Variants in MIPEP observed in about 807,000 individuals in gnomAD.
MIPEP encodes mitochondrial intermediate peptidase.
Under a neutral mutation model 90.3 loss-of-function variants are expected in MIPEP, and 79 were observed. The observed-to-expected ratio is 0.87, with a 90% confidence interval of 0.73 to 1.05. The LOEUF (loss-of-function observed/expected upper bound fraction) is 1.05, where lower values mean the gene tolerates loss of function less well. Ranked by LOEUF, MIPEP falls within the 50% of genes least tolerant of loss-of-function variation. MIPEP has a pLI of 0.00. For synonymous variants in MIPEP, 334 were observed against 315.8 expected, an observed-to-expected ratio of 1.06 and a Z score of -0.61; for missense variants, 940 against 905.6, an observed-to-expected ratio of 1.04 and a Z score of -0.49.
At chr13:23,818,961 A>G (rs1953274661) in intron 14 of MIPEP, among the ~76,000 whole-genome samples, 1 of 152,240 alleles carries the variant, frequency 6.6e-6, no homozygotes. Context: ...AAAAAACATT[A>G]GATGGCAAGA....
chr13:23,792,537 G>A (rs1952908133), intron 16 of MIPEP, among the ~76,000 whole-genome samples: 1 of 152,138 alleles, frequency 6.6e-6, no homozygotes, highest in Non-Finnish European at 1.5e-5. Flanking sequence ...GTGCCACCAT[G>A]CCCAGATAAT....
chr13:23,857,480 G>A (rs2137493936), intron 10 of MIPEP, among the ~76,000 whole-genome samples: 1 of 152,336 alleles, frequency 6.6e-6, no homozygotes, highest in East Asian at 1.9e-4. Context: ...TGAGGCAGGA[G>A]GGCTGCTGGA....
chr13:23,784,808 C>A (rs970944815), intron 16 of MIPEP, among the ~76,000 whole-genome samples: 1 of 151,996 alleles, frequency 6.6e-6, no homozygotes, highest in African/African-American at 2.4e-5. Context: ...AACAAACAAC[C>A]CCATCAAAAA....
At chr13:23,880,306 G>C (rs1009232329) in intron 3 of MIPEP, among the ~76,000 whole-genome samples, 1 of 152,142 alleles carries the variant, frequency 6.6e-6, no homozygotes, top group African/African-American at 2.4e-5. Context: ...CAGAAGTCAG[G>C]GAGAGAGTGA....
chr13:23,853,000 A>T (rs968159754), intron 10 of MIPEP, among the ~76,000 whole-genome samples: 3 of 152,186 alleles, frequency 2.0e-5, no homozygotes, highest in African/African-American at 4.8e-5. Context: ...AGTAAGGATT[A>T]AAAAAAGAGA....
Position 23,749,233 on chromosome 13 carries a change from C to T in MIPEP, c.2044+7312G>A, listed in dbSNP as rs114028031. ...TTAGCTTTCTTATTTTAAATGTCAGCAGTACTCCTGCTGACAGACAGGACT... is the reference window on the plus strand; with the variant it reads ...TTAGCTTTCTTATTTTAAATGTCAGTAGTACTCCTGCTGACAGACAGGACT... On this transcript the variant is annotated intron_variant, in intron 18 of 18. Coordinates refer to ENST00000382172, the MANE Select transcript of MIPEP (RefSeq NM_005932.4). 2.8e-3 allele frequency among the ~76,000 whole-genome samples: 422 copies of T among 152,272 alleles called. 4 individuals are homozygous for T. Among genetic ancestry groups the T allele is most frequent in the African/African-American group, 8.7e-3 (362 of 41,564 alleles).
chr13:23,747,405 T>A, intron 18 of MIPEP: 1 of 360,412 alleles, frequency 2.8e-6, no homozygotes, highest in African/African-American at 2.1e-5. Context: ...GCGGACCCCC[T>A]TTCTTCTAGT....
rs1164320104 is a variant in MIPEP at position 23,819,990 on chromosome 13, C to T, written c.1654-10066G>A. Among the ~76,000 whole-genome samples, 7 of 150,204 alleles carry T rather than the reference C, an allele frequency of 4.7e-5. No homozygotes were observed. In the Admixed American group the frequency reaches 4.7e-4, roughly 10 times the overall value. ...CATCCTTGCACTCCAGCCTGGGTGA[C>T]AAGAGGGAGACTCCATCTCAATAAA... On this transcript the variant is annotated intron_variant, in intron 14 of 18. Transcript: ENST00000382172.
rs757480827 is a variant in MIPEP, at chr13:23,851,824, G to T, written c.1106+7036C>A. 5.3e-5 allele frequency among the ~76,000 whole-genome samples: 8 copies of T among 151,948 alleles called. No individual in the cohort carries two copies. In the East Asian group the frequency reaches 1.2e-3, roughly 22 times the overall value. The stretch of plus-strand genomic sequence containing the variant: ...ATCCTCCCACCTGAGCCTCCAAGTC[G>T]CTGGGATTACAGACATGTGTCACCA... On this transcript the variant is annotated intron_variant, in intron 10 of 18. Transcript: ENST00000382172.
intron 18 of MIPEP, among the ~76,000 whole-genome samples, chr13:23,742,405 A>C (rs1451198612): frequency 6.6e-6 from 1 of 152,214 alleles, no homozygotes; most frequent in Non-Finnish European, 1.5e-5. Context: ...AAATCTAAGT[A>C]AAAGTAAAAT....
chr13:23,800,150 A>G (rs191081404), intron 16 of MIPEP, among the ~76,000 whole-genome samples: 147 of 152,338 alleles, frequency 9.6e-4, no homozygotes, highest in Non-Finnish European at 8.2e-4. Flanking sequence ...CAGATCTTCA[A>G]AACCTAGAGT....
At chr13:23,850,466 A>G (rs1869752673) in intron 10 of MIPEP, among the ~76,000 whole-genome samples, 1 of 152,218 alleles carries the variant, frequency 6.6e-6, no homozygotes, top group Admixed American at 6.5e-5. Flanking sequence ...TTCTGAAGCT[A>G]GTGGCAAGAA....
At chr13:23,878,143 T>TA (rs1382442655) in intron 4 of MIPEP, among the ~76,000 whole-genome samples, 6 of 152,230 alleles carry the variant, frequency 3.9e-5, no homozygotes, top group Admixed American at 3.9e-4. Flanking sequence ...TGTTTGTTGT[T>TA]ATGTAAAGTC....
rs142805466 is a variant in MIPEP at position 23,885,698 on chromosome 13, T to C, written c.363+635A>G. ...AATTTAAAATGTTAAAAAAAAAAAGTCTTTACAATCATTTTGATGTCAAAA... is the reference window on the plus strand; with the variant it reads ...AATTTAAAATGTTAAAAAAAAAAAGCCTTTACAATCATTTTGATGTCAAAA... On this transcript the variant is annotated intron_variant, in intron 2 of 18. Coordinates refer to ENST00000382172, the MANE Select transcript of MIPEP (RefSeq NM_005932.4). Among the ~76,000 whole-genome samples the C allele has an allele frequency of 5.1e-3, 778 of 151,108 alleles. 5 individuals carry two copies. The highest frequency in any genetic ancestry group is 0.017 in the African/African-American group (713 of 41,220).
At chr13:23,779,421 T>C (rs73448126) in intron 16 of MIPEP, among the ~76,000 whole-genome samples, 3,013 of 152,144 alleles carry the variant, frequency 0.02, 103 homozygotes, top group African/African-American at 0.069. Context: ...AAACATCCCA[T>C]TCACAACAAC....
At chr13:23,838,011 C>A (rs1195039565) in intron 12 of MIPEP, among the ~76,000 whole-genome samples, 1 of 152,142 alleles carries the variant, frequency 6.6e-6, no homozygotes, top group African/African-American at 2.4e-5. Context: ...CCAAAACATG[C>A]ATTGAAATGA....
At position 23,784,311 on chromosome 13, in the gene MIPEP, C is replaced by A. The variant is rs1470712417; in HGVS notation, c.1848+21639G>T. On this transcript the variant is annotated intron_variant, in intron 16 of 18. Coordinates refer to ENST00000382172, the MANE Select transcript of MIPEP (RefSeq NM_005932.4). ...AGAGATATAGACCAATGGAACAGAA[C>A]AGAGCCCTCAGAAATAACACCACAC... 2.0e-5 allele frequency among the ~76,000 whole-genome samples: 3 copies of A among 152,086 alleles called. No homozygotes were observed. The East Asian group carries it at 5.8e-4, about 29-fold the overall frequency.
At position 23,730,337 on chromosome 13, in the gene MIPEP, G is replaced by A; in HGVS notation, c.*11C>T. ...ACATGACCTTGATTTAAGAGGTGTA[G>A]AGTGTTTCTTTTATTCAGAATCCAT... On this transcript the variant is annotated 3_prime_UTR_variant, in exon 19 of 19. Transcript: ENST00000382172. The A allele has an allele frequency of 1.9e-6, 3 of 1,563,976 alleles. No homozygotes were observed. Among genetic ancestry groups the A allele is most frequent in the East Asian group, 4.6e-5 (2 of 43,900 alleles).
chr13:23,770,748 T>C (rs1320556884), intron 16 of MIPEP, among the ~76,000 whole-genome samples: 1 of 152,126 alleles, frequency 6.6e-6, no homozygotes, highest in African/African-American at 2.4e-5. Flanking sequence ...ATTATTTCAG[T>C]GGGAAGATTT....
Sources: gnomAD v4.1 joint callset for allele counts (sites outside exome capture counted in the v4.1 genomes callset) on GRCh38, gnomAD v4.1.1 for gene constraint, MANE v1.5 for transcripts, NCBI Gene and HGNC (gene_info 2026-07-23, HGNC 2026-07-21) for gene names.